MNAT1: variants seen among roughly 807,000 people sequenced by gnomAD.
MNAT1 encodes MNAT1 component of CDK activating kinase.
In MNAT1, 43 loss-of-function variants were observed where a neutral mutation model predicts 42.0. The observed-to-expected ratio is 1.02, with a 90% confidence interval of 0.80 to 1.32. The LOEUF (loss-of-function observed/expected upper bound fraction) is 1.32, where lower values mean the gene tolerates loss of function less well. Among genes scored for constraint, MNAT1 ranks in the 40% most tolerant of loss-of-function variants. The pLI, the probability that MNAT1 is intolerant of heterozygous loss-of-function variation, is 0.00. For synonymous variants in MNAT1, 118 were observed against 120.0 expected (o/e 0.98, Z 0.11); for missense variants, 306 against 350.4 (o/e 0.87, Z 1.01).
intron 1 of MNAT1, among the ~76,000 whole-genome samples, chr14:60,767,687 G>A (rs1474638363): frequency 6.6e-6 from 1 of 152,092 alleles, no homozygotes; most frequent in Non-Finnish European, 1.5e-5. Flanking sequence ...CGCAACCTCT[G>A]CCTGCTAGGT....
At chr14:60,890,075 A>G (rs1458479405) in intron 7 of MNAT1, among the ~76,000 whole-genome samples, 1 of 152,212 alleles carries the variant, frequency 6.6e-6, no homozygotes, top group African/African-American at 2.4e-5. Context: ...TAGAAATACC[A>G]TTTGACCCAG....
rs543152928 is a variant in MNAT1, at chr14:60,933,847, G to A, written c.810-34382G>A. On this transcript the variant is annotated intron_variant, in intron 7 of 7. Transcript: ENST00000261245. ...TAAATGAATTCCCCAGAAAATCTAC[G>A]CACATTGTCTGGAAGATTTAAGGGT... Among the ~76,000 whole-genome samples the A allele has an allele frequency of 5.9e-5, 9 of 152,148 alleles. 1 individual carries two copies. Among genetic ancestry groups the A allele is most frequent in the African/African-American group, 9.6e-5 (4 of 41,488 alleles).
intron 1 of MNAT1, among the ~76,000 whole-genome samples, chr14:60,795,803 T>C (rs1404427522): frequency 6.6e-6 from 1 of 152,158 alleles, no homozygotes; most frequent in Non-Finnish European, 1.5e-5. Context: ...ACATCTGTTT[T>C]AGTGCTTGGG....
intron 7 of MNAT1, among the ~76,000 whole-genome samples, chr14:60,918,345 A>C (rs2035577344): frequency 6.7e-6 from 1 of 149,592 alleles, no homozygotes; most frequent in Non-Finnish European, 1.5e-5. Context: ...AGTAGCTGGG[A>C]CTACAGGCGC....
intron 6 of MNAT1, among the ~76,000 whole-genome samples, chr14:60,840,418 C>T (rs1172901531): frequency 1.3e-5 from 2 of 152,100 alleles, no homozygotes; most frequent in Non-Finnish European, 2.9e-5. Flanking sequence ...GTTCTTGTGC[C>T]AGAGTTTTCT....
chr14:60,886,943 T>G (rs2034688698), intron 7 of MNAT1, among the ~76,000 whole-genome samples: 1 of 152,144 alleles, frequency 6.6e-6, no homozygotes. Flanking sequence ...TGTCTTGGGG[T>G]CAGGCAAAAA....
At chr14:60,869,198 T>TG (rs2034275657) in intron 6 of MNAT1, among the ~76,000 whole-genome samples, 1 of 133,826 alleles carries the variant, frequency 7.5e-6, no homozygotes, top group Non-Finnish European at 1.6e-5. Flanking sequence ...CCCAGCTAAT[T>TG]TTTTTTTTTT....
At chr14:60,936,102 C>T (rs1008164768) in intron 7 of MNAT1, among the ~76,000 whole-genome samples, 2 of 152,130 alleles carry the variant, frequency 1.3e-5, no homozygotes, top group Admixed American at 6.5e-5. Context: ...CCACCCCGTT[C>T]CCCCAGTGCG....
chr14:60,956,421 G>A (rs571871390), intron 7 of MNAT1, among the ~76,000 whole-genome samples: 11 of 152,216 alleles, frequency 7.2e-5, no homozygotes, highest in African/African-American at 2.4e-4. Flanking sequence ...CTGGGCTAAC[G>A]TATGATTTAT....
chr14:60,922,736 G>A (rs1384787431), intron 7 of MNAT1, among the ~76,000 whole-genome samples: 1 of 152,104 alleles, frequency 6.6e-6, no homozygotes, highest in African/African-American at 2.4e-5. Context: ...TAGTCAAATG[G>A]AATAGTGATC....
intron 2 of MNAT1, among the ~76,000 whole-genome samples, chr14:60,797,180 A>G (rs796948064): frequency 4.0e-4 from 61 of 152,236 alleles, no homozygotes; most frequent in African/African-American, 1.4e-3. Context: ...TTTTAGCAGC[A>G]TCTTTCTAGG....
At chr14:60,880,858 C>T (rs1184284352) in intron 7 of MNAT1, among the ~76,000 whole-genome samples, 1 of 152,134 alleles carries the variant, frequency 6.6e-6, no homozygotes. Context: ...CAACCTAAAA[C>T]CCCCTTTGAG....
chr14:60,735,212 C>G (rs1896270950), intron 1 of MNAT1, among the ~76,000 whole-genome samples: 1 of 152,144 alleles, frequency 6.6e-6, no homozygotes, highest in Non-Finnish European at 1.5e-5. Flanking sequence ...CAATGAGTAT[C>G]CCGACTGTAT....
At chr14:60,884,916 C>G (rs1036822603) in intron 7 of MNAT1, among the ~76,000 whole-genome samples, 1 of 151,838 alleles carries the variant, frequency 6.6e-6, no homozygotes, top group African/African-American at 2.4e-5. Flanking sequence ...TTTGTTTGTC[C>G]GGGAAAGTCT....
chr14:60,737,492 T>C (rs1896337672), intron 1 of MNAT1, among the ~76,000 whole-genome samples: 1 of 152,148 alleles, frequency 6.6e-6, no homozygotes. Flanking sequence ...AACAATTTGA[T>C]AGTAGTCCAT....
intron 7 of MNAT1, among the ~76,000 whole-genome samples, chr14:60,930,819 A>G (rs1489104958): frequency 3.9e-5 from 6 of 152,140 alleles, no homozygotes; most frequent in Non-Finnish European, 8.8e-5. Context: ...ATCATGAAGA[A>G]TCTTATTTAT....
chr14:60,904,020 C>T (rs2035137594), intron 7 of MNAT1, among the ~76,000 whole-genome samples: 1 of 152,140 alleles, frequency 6.6e-6, no homozygotes, highest in South Asian at 2.1e-4. Context: ...TGCAGGCACC[C>T]GCCACCACAT....
In MNAT1 at chr14:60,836,975, C is replaced by G. The variant is rs116915773; in HGVS notation, c.687+18128C>G. ...ATCTAGAGAGGCAGTCAGGCTACAG[C>G]AGCTTTGTGGCACTGCCAAACTTCC... is the stretch of plus-strand genomic sequence containing the variant. On this transcript the variant is annotated intron_variant, in intron 6 of 7. Transcript: ENST00000261245. Among the ~76,000 whole-genome samples the G allele has an allele frequency of 8.3e-4, 126 of 152,320 alleles. 1 individual carries two copies. Among genetic ancestry groups the G allele is most frequent in the Admixed American group, 1.8e-3 (28 of 15,310 alleles).
At chr14:60,922,284 A>G (rs1025755699) in intron 7 of MNAT1, among the ~76,000 whole-genome samples, 8 of 152,148 alleles carry the variant, frequency 5.3e-5, no homozygotes, top group Non-Finnish European at 8.8e-5. Flanking sequence ...GTAGTTTTCT[A>G]TTGCTCATGA....
Sources: gnomAD v4.1 joint callset for allele counts (sites outside exome capture counted in the v4.1 genomes callset) on GRCh38, gnomAD v4.1.1 for gene constraint, MANE v1.5 for transcripts, NCBI Gene and HGNC (gene_info 2026-07-23, HGNC 2026-07-21) for gene names.